Variants in NAA25 observed in about 807,000 individuals in gnomAD.
NAA25 encodes N-terminal acetyltransferase B complex subunit NAA25.
Under a neutral mutation model 132.5 loss-of-function variants are expected in NAA25, and 30 were observed. The observed-to-expected ratio is 0.23, with a 90% CI of 0.17 to 0.31. The LOEUF (loss-of-function observed/expected upper bound fraction) is 0.31, where lower values mean the gene tolerates loss of function less well. Ranked by LOEUF, NAA25 falls within the 10% of genes least tolerant of loss-of-function variation. The pLI is 1.00. For synonymous variants in NAA25, 359 were observed against 401.9 expected (o/e 0.89, Z 1.28); for missense variants, 771 against 1,150.4 (o/e 0.67, Z 4.77).
At chr12:112,100,712 C>T (rs1003032380) in intron 1 of NAA25, among the ~76,000 whole-genome samples, 9 of 151,238 alleles carry the variant, frequency 6.0e-5, no homozygotes, top group Non-Finnish European at 1.0e-4. Flanking sequence ...CTCCGCCTCC[C>T]GGGCTCACGC....
chr12:112,063,414 T>C (rs189884427), intron 11 of NAA25, among the ~76,000 whole-genome samples: 1 of 152,324 alleles, frequency 6.6e-6, no homozygotes, highest in African/African-American at 2.4e-5. Context: ...CATAAGGCAC[T>C]GAACCAGAGA....
At chr12:112,066,296 A>C (rs1006574420) in intron 11 of NAA25, among the ~76,000 whole-genome samples, 5 of 152,220 alleles carry the variant, frequency 3.3e-5, no homozygotes, top group Non-Finnish European at 7.3e-5. Flanking sequence ...AGACAAGATC[A>C]GTTATTCCTT....
intron 13 of NAA25, among the ~76,000 whole-genome samples, chr12:112,057,218 CATAAA>C (rs569702126): frequency 1.6e-4 from 25 of 152,046 alleles, no homozygotes; most frequent in South Asian, 2.1e-4. Flanking sequence ...AATAAAATAA[CATAAA>C]ATAAAATAAA....
Position 112,086,618 on chromosome 12 carries a change from T to C in NAA25, c.402+1065A>G, listed in dbSNP as rs563748462. On this transcript the variant is annotated intron_variant, in intron 4 of 23. Coordinates refer to ENST00000261745, the MANE Select transcript of NAA25 (RefSeq NM_024953.4). ...TATCTGCCACCCTGCCCAAATTATC[T>C]ATTGTTATAACTTGATATTTAATGT... Among the ~76,000 whole-genome samples the C allele has an allele frequency of 2.6e-5, 4 of 152,300 alleles. No homozygotes were observed. The South Asian group carries it at 8.3e-4, about 32-fold the overall frequency.
Position 112,049,508 on chromosome 12 carries a change from T to A in NAA25, c.1729-1065A>T. The A allele has an allele frequency of 1.0e-6, 1 of 985,902 alleles. No homozygotes were observed. The highest frequency in any genetic ancestry group is 1.2e-6 in the Non-Finnish European group (1 of 829,956). 61.1% of individuals were successfully genotyped at this position (985,902 alleles called of 1,614,324 possible). ...CCTCTGATATACAGCCTTGCAGGGTTCATTTCAGGCCGCGGGATTGCGCCA... is the reference window on the plus strand; with the variant it reads ...CCTCTGATATACAGCCTTGCAGGGTACATTTCAGGCCGCGGGATTGCGCCA... On this transcript the variant is annotated intron_variant, in intron 15 of 23. Coordinates refer to ENST00000261745, the MANE Select transcript of NAA25 (RefSeq NM_024953.4). The surrounding 1 kb of genome is among the most constrained non-coding windows in gnomAD (Gnocchi z 4.7).
intron 22 of NAA25, chr12:112,034,351 C>T (rs57650749): frequency 0.042 from 6,307 of 148,988 alleles, 295 homozygotes; most frequent in African/African-American, 0.11. Flanking sequence ...TATGGCCAGG[C>T]GCAGTGGCTC....
Position 112,108,698 on chromosome 12 carries a change from C to T in NAA25, c.58+18G>A. 6.8e-7 allele frequency: 1 copy of T among 1,474,874 alleles called. No homozygotes were observed. 91.4% of individuals were successfully genotyped at this position (1,474,874 alleles called of 1,614,324 possible). On this transcript the variant is annotated intron_variant, in intron 1 of 23. Coordinates refer to ENST00000261745, the MANE Select transcript of NAA25 (RefSeq NM_024953.4). ...TCGGCGCGTCGGGCTGGCGAGCGGGCTGGTCCAAGACACTCACCGTAAATG... is the reference window on the plus strand; with the variant it reads ...TCGGCGCGTCGGGCTGGCGAGCGGGTTGGTCCAAGACACTCACCGTAAATG...
chr12:112,048,369 G>A lies in NAA25; in HGVS notation c.1803C>T (p.Asn601=), dbSNP rs1246612148. The change falls in exon 16 of 24, where the codon AAC becomes AAT. Residue 601 remains asparagine (N), a synonymous_variant. Coordinates refer to ENST00000261745, the MANE Select transcript of NAA25 (RefSeq NM_024953.4). ...CAAAATGAAGAGAATTATTCAGCCT[G>A]TTCCTAAAAGCGATAAACTCTGGGA... ...EKIPEFIAFR[N]RLNNSLHFAQ... is the part of the protein sequence containing the mutation. 6.2e-7 allele frequency: 1 copy of A among 1,613,902 alleles called. No individual in the cohort carries two copies. The highest frequency in any genetic ancestry group is 8.5e-7 in the Non-Finnish European group (1 of 1,179,858).
chr12:112,027,490 A>G lies in NAA25; in HGVS notation c.*2041T>C, dbSNP rs2136787812. The G allele has an allele frequency of 6.5e-6, 1 of 152,710 alleles. No individual in the cohort carries two copies. The highest frequency in any genetic ancestry group is 1.9e-4 in the East Asian group (1 of 5,186). The allele number at this position is 152,710 out of a possible 1,614,324, so 9.5% of individuals were successfully genotyped here. A position where few individuals can be genotyped will look rare whatever the true frequency, so the allele number is the denominator to read the frequency against. On this transcript the variant is annotated 3_prime_UTR_variant, in exon 24 of 24. Coordinates refer to ENST00000261745, the MANE Select transcript of NAA25 (RefSeq NM_024953.4). ...ACATTTAGTAGGAAAATCAGCAAAT[A>G]ACAAAGGAAGCATAACCTCAACATA...
chr12:112,081,888 T>C (rs1052048003), intron 4 of NAA25, among the ~76,000 whole-genome samples: 2 of 152,194 alleles, frequency 1.3e-5, no homozygotes, highest in Non-Finnish European at 2.9e-5. Context: ...CGCGTCCCTG[T>C]CCCAAAGGCA....
At chr12:112,041,435 G>GATCTCCTGA (rs2078300327) in intron 20 of NAA25, among the ~76,000 whole-genome samples, 1 of 152,076 alleles carries the variant, frequency 6.6e-6, no homozygotes, top group African/African-American at 2.4e-5. Flanking sequence ...TGATCTGCCT[G>GATCTCCTGA]CCTCAGCCTC....
intron 17 of NAA25, among the ~76,000 whole-genome samples, chr12:112,046,422 G>A (rs981149672): frequency 3.9e-5 from 6 of 152,146 alleles, no homozygotes; most frequent in East Asian, 1.9e-4. Flanking sequence ...AACCTTAGCC[G>A]TTGAGTGCAA....
intron 13 of NAA25, among the ~76,000 whole-genome samples, chr12:112,056,402 C>T (rs2078547012): frequency 1.3e-5 from 2 of 151,460 alleles, no homozygotes; most frequent in Non-Finnish European, 2.9e-5. Context: ...ATAAATAATA[C>T]AAAAACTAGC....
chr12:112,090,568 T>A lies in NAA25; in HGVS notation c.283+158A>T, dbSNP rs1464301607. 4 of 594,906 alleles carry A rather than the reference T, an allele frequency of 6.7e-6. No homozygotes were observed. In the African/African-American group the frequency reaches 7.6e-5, roughly 11 times the overall value. The allele number at this position is 594,906 out of a possible 1,614,324, so 36.9% of individuals were successfully genotyped here. A position where few individuals can be genotyped will look rare whatever the true frequency, so the allele number is the denominator to read the frequency against. On this transcript the variant is annotated intron_variant, in intron 3 of 23. Transcript: ENST00000261745. ...CAAGGATCCTAATGCATGTAAACTA[T>A]CCTTTCTATCTACAGTTCTCGCAAA...
chr12:112,068,855 A>C, intron 11 of NAA25, 25 bp downstream of exon 11: 1 of 1,354,482 alleles, frequency 7.4e-7, no homozygotes. Flanking sequence ...GCACCCAACA[A>C]ACTTCTAAAC....
intron 15 of NAA25, among the ~76,000 whole-genome samples, chr12:112,048,698 G>A (rs2078422420): frequency 6.6e-6 from 1 of 151,912 alleles, no homozygotes; most frequent in African/African-American, 2.4e-5. Context: ...GCCTTCTCTT[G>A]GCAGTCATGT....
intron 9 of NAA25, 122 bp downstream of exon 9, chr12:112,074,553 C>T: frequency 1.9e-6 from 1 of 534,664 alleles, no homozygotes; most frequent in Middle Eastern, 2.9e-4. Flanking sequence ...GAAAAAATGT[C>T]TTACTTTGAA....
At chr12:112,082,799 G>C (rs2078992303) in intron 4 of NAA25, among the ~76,000 whole-genome samples, 1 of 131,394 alleles carries the variant, frequency 7.6e-6, no homozygotes, top group Non-Finnish European at 1.7e-5. Flanking sequence ...GGGGTGGGGG[G>C]TGCGGGGTGT....
chr12:112,078,407 A>G (rs2078923231), intron 6 of NAA25, 141 bp from the exon 7 acceptor site: 1 of 702,008 alleles, frequency 1.4e-6, no homozygotes, highest in African/African-American at 1.8e-5. Context: ...AGGTAACAGG[A>G]TCTTCTCCAT....
Sources: gnomAD v4.1 joint callset for allele counts (sites outside exome capture counted in the v4.1 genomes callset) on GRCh38, gnomAD v4.1.1 for gene constraint, Gnocchi (gnomAD v3.1) non-coding constraint, MANE v1.5 for transcripts, NCBI Gene and HGNC (gene_info 2026-07-23, HGNC 2026-07-21) for gene names.